The following PCDH15 variants were observed in gnomAD, a reference collection of about 807,000 sequenced individuals.
PCDH15 encodes the protein protocadherin-15.
A neutral mutation model predicts 178.5 loss-of-function variants in PCDH15; 129 were observed. The ratio of observed to expected loss-of-function variants is 0.72; its 90% confidence interval spans 0.63 to 0.84. PCDH15 has a LOEUF of 0.84. Among genes scored for constraint, PCDH15 ranks in the 40% least tolerant of loss-of-function variants. The probability of loss-of-function intolerance (pLI) is 0.00; values close to 1 mark genes in which losing one functional copy is unlikely to be tolerated. For synonymous variants in PCDH15, 800 were observed against 732.0 expected (o/e 1.09, Z -1.50); for missense variants, 2,230 against 2,099.9 (o/e 1.06, Z -1.21).
At chr10:54,881,125 C>CT (rs1469666207) in intron 3 of PCDH15, among the ~76,000 whole-genome samples, 1 of 151,970 alleles carries the variant, frequency 6.6e-6, no homozygotes, top group Non-Finnish European at 1.5e-5. Context: ...AGTAAGGTCT[C>CT]TATGATCTGT....
At chr10:54,038,281 G>A (rs2660162) in intron 18 of PCDH15, among the ~76,000 whole-genome samples, 1 of 151,836 alleles carries the variant, frequency 6.6e-6, no homozygotes, top group Admixed American at 6.6e-5. Context: ...TTTGATTCTT[G>A]TATGACTTGA....
chr10:55,427,873 T>A (rs1040991016), intron 2 of PCDH15, among the ~76,000 whole-genome samples: 1 of 152,118 alleles, frequency 6.6e-6, no homozygotes, highest in African/African-American at 2.4e-5. Context: ...TTCTAGTATC[T>A]CCAAATAGCA....
chr10:54,954,110 A>C (rs1340431997), intron 2 of PCDH15, among the ~76,000 whole-genome samples: 1 of 151,268 alleles, frequency 6.6e-6, no homozygotes, highest in Non-Finnish European at 1.5e-5. Flanking sequence ...TTTCTGTTTA[A>C]AATCTCTGAA....
At chr10:54,298,941 C>T (rs1382850388) in intron 8 of PCDH15, among the ~76,000 whole-genome samples, 2 of 152,230 alleles carry the variant, frequency 1.3e-5, no homozygotes, top group African/African-American at 2.4e-5. Context: ...CATGCCCATG[C>T]TGCAATATGG....
chr10:55,540,685 C>CCTTTTTATTTCA lies in PCDH15; in HGVS notation c.-156+86939_-156+86940insTGAAATAAAAAG, dbSNP rs1326809707. 2.6e-5 allele frequency among the ~76,000 whole-genome samples: 4 copies of CCTTTTTATTTCA among 152,134 alleles called. No homozygotes were observed. In the East Asian group the frequency reaches 7.7e-4, roughly 29 times the overall value. ...TAAAGGACAGGCTTTCCTCGAATAACTAAATCCACAATTTTATTTCATAGA... is the reference window on the plus strand; with the variant it reads ...TAAAGGACAGGCTTTCCTCGAATAACCTTTTTATTTCATAAATCCACAATTTTATTTCATAGA... On this transcript the variant is annotated intron_variant, in intron 2 of 5. Coordinates refer to the PCDH15 transcript ENST00000613346.
At chr10:55,488,183 A>G (rs906103997) in intron 2 of PCDH15, among the ~76,000 whole-genome samples, 1 of 151,626 alleles carries the variant, frequency 6.6e-6, no homozygotes, top group Non-Finnish European at 1.5e-5. Context: ...TATTAAGTGT[A>G]TATTTTCTTT....
chr10:54,030,960 C>A (rs1002417495), intron 18 of PCDH15, among the ~76,000 whole-genome samples: 1 of 151,926 alleles, frequency 6.6e-6, no homozygotes, highest in African/African-American at 2.4e-5. Context: ...GCTAAAGGAG[C>A]AGGCTTCATT....
intron 3 of PCDH15, among the ~76,000 whole-genome samples, chr10:54,830,583 G>A (rs1953206089): frequency 6.6e-6 from 1 of 151,432 alleles, no homozygotes; most frequent in South Asian, 2.1e-4. Context: ...GGGGACTGTT[G>A]TGGGGTGGGG....
At chr10:54,892,771 C>A (rs1357114765) in intron 3 of PCDH15, among the ~76,000 whole-genome samples, 6 of 149,108 alleles carry the variant, frequency 4.0e-5, no homozygotes, top group Non-Finnish European at 8.9e-5. Context: ...ACTCTTGTCA[C>A]CCAAGCTGGA....
chr10:54,310,456 A>G (rs1452887674), intron 8 of PCDH15, among the ~76,000 whole-genome samples: 1 of 152,024 alleles, frequency 6.6e-6, no homozygotes, highest in Non-Finnish European at 1.5e-5. Context: ...ATGGCTTTGG[A>G]GATTGATTGA....
chr10:54,231,950 A>G (rs1459803837), intron 9 of PCDH15, among the ~76,000 whole-genome samples: 1 of 152,064 alleles, frequency 6.6e-6, no homozygotes, highest in Non-Finnish European at 1.5e-5. Flanking sequence ...GTCTCAGATG[A>G]GATTTTGGAC....
intron 4 of PCDH15, among the ~76,000 whole-genome samples, chr10:54,373,394 T>C (rs1323592940): frequency 6.6e-6 from 1 of 152,038 alleles, no homozygotes; most frequent in East Asian, 1.9e-4. Flanking sequence ...CTGTGTGTTT[T>C]AGAAACGACT....
At chr10:54,261,596 C>CTACAGGT (rs1383053634) in intron 8 of PCDH15, among the ~76,000 whole-genome samples, 1 of 151,936 alleles carries the variant, frequency 6.6e-6, no homozygotes, top group African/African-American at 2.4e-5. Context: ...TAGGAATTTC[C>CTACAGGT]TACAAGTGGT....
At position 54,527,614 on chromosome 10, in the gene PCDH15, T is replaced by G. The variant is rs55733914; in HGVS notation, c.157+198A>C. Among the ~76,000 whole-genome samples the G allele has an allele frequency of 0.053, 8,038 of 152,180 alleles. 241 individuals carry two copies. The highest frequency in any genetic ancestry group is 0.085 in the East Asian group (438 of 5,172). On this transcript the variant is annotated intron_variant, in intron 3 of 37. Coordinates refer to ENST00000644397, the MANE Select transcript of PCDH15 (RefSeq NM_001384140.1). ...AAACTAAATATTTATATTAATTGAA[T>G]GAGACTTTTATAAATTATTCCAAGT...
At chr10:54,347,657 T>A (rs1354243279) in intron 5 of PCDH15, among the ~76,000 whole-genome samples, 1 of 151,986 alleles carries the variant, frequency 6.6e-6, no homozygotes, top group African/African-American at 2.4e-5. Context: ...GCAAGCATGA[T>A]GAGACGGTGG....
chr10:54,769,167 TA>T (rs1478639497), intron 1 of PCDH15, among the ~76,000 whole-genome samples: 1 of 152,100 alleles, frequency 6.6e-6, no homozygotes, highest in Non-Finnish European at 1.5e-5. Context: ...TGTTAAACAC[TA>T]ATAATAATCA....
intron 2 of PCDH15, among the ~76,000 whole-genome samples, chr10:54,663,063 G>T (rs576994209): frequency 6.6e-6 from 1 of 151,890 alleles, no homozygotes; most frequent in East Asian, 1.9e-4. Context: ...TTATGAAAGG[G>T]AATATACTAT....
intron 13 of PCDH15, among the ~76,000 whole-genome samples, chr10:54,163,268 G>T (rs992066250): frequency 2.0e-5 from 3 of 151,952 alleles, no homozygotes; most frequent in Admixed American, 6.6e-5. Context: ...ACTCAGACTG[G>T]GTAATTTATG....
At chr10:54,827,448 G>C (rs902107222) in intron 3 of PCDH15, among the ~76,000 whole-genome samples, 1 of 152,000 alleles carries the variant, frequency 6.6e-6, no homozygotes, top group African/African-American at 2.4e-5. Flanking sequence ...TTAGCCTCCT[G>C]AGCCTTGGTC....
Sources: allele counts gnomAD v4.1 joint callset (sites outside exome capture counted in the v4.1 genomes callset), GRCh38; gene constraint gnomAD v4.1.1; transcripts MANE v1.5; gene names NCBI Gene and HGNC (gene_info 2026-07-23, HGNC 2026-07-21).